Variants in EYA1 observed in about 807,000 individuals in gnomAD.
The protein encoded by EYA1 is EYA transcriptional coactivator and phosphatase 1, also known as protein phosphatase EYA1.
In EYA1, 16 loss-of-function variants were observed where a neutral mutation model predicts 82.0. The ratio of observed to expected loss-of-function variants is 0.20; its 90% CI spans 0.13 to 0.30. EYA1 has a LOEUF of 0.30. EYA1 is among the 10% of genes least tolerant of loss of function. EYA1 has a pLI of 1.00. For synonymous variants in EYA1, 261 were observed against 264.4 expected (o/e 0.99, Z 0.12); for missense variants, 633 against 730.7 (o/e 0.87, Z 1.54).
In EYA1 at chr8:71,418,833, T is replaced by C. The variant is rs555823175; in HGVS notation, c.34-62322A>G. 7.9e-5 allele frequency among the ~76,000 whole-genome samples: 12 copies of C among 152,222 alleles called. No individual in the cohort carries two copies. In the South Asian group the frequency reaches 2.5e-3, roughly 32 times the overall value. On this transcript the variant is annotated intron_variant, in intron 2 of 18. Coordinates refer to the EYA1 transcript ENST00000643681. ...ACAATGGGAGGGAGGGAGGTGCTCT[T>C]CTACACAGAGCACTCAGAGGAGGAC...
chr8:71,542,284 A>G (rs1264366619), intron 1 of EYA1, among the ~76,000 whole-genome samples: 1 of 140,182 alleles, frequency 7.1e-6, no homozygotes, highest in Non-Finnish European at 1.6e-5. Flanking sequence ...TGTTCTTATC[A>G]TTCAGCACCC....
At chr8:71,451,219 C>T (rs1807344687) in intron 2 of EYA1, among the ~76,000 whole-genome samples, 1 of 152,172 alleles carries the variant, frequency 6.6e-6, no homozygotes, top group Admixed American at 6.5e-5. Flanking sequence ...AGTAACCACA[C>T]TTCTGGAATA....
chr8:71,211,698 GA>G (rs907542697), intron 16 of EYA1, among the ~76,000 whole-genome samples: 12 of 152,140 alleles, frequency 7.9e-5, no homozygotes, highest in Non-Finnish European at 1.2e-4. Context: ...GAAAATATCT[GA>G]TCCAAAGACT....
In EYA1 at chr8:71,317,577, C is replaced by T. The variant is rs1385538076; in HGVS notation, c.531G>A (p.Gln177=). Residue 177 remains glutamine (Q), a synonymous_variant, in exon 7 of 18, where the codon CAG becomes CAA. Transcript: ENST00000340726. ...GTSFSTPQPG[Q]APYSYQMQGS... is the part of the protein sequence containing the mutation. Reference sequence around the variant, plus strand: ...CTTGCATCTGGTAGCTGTATGGTGCCTGTCCAGGTTGAGGGGTACTGAAGC... The same window carrying T: ...CTTGCATCTGGTAGCTGTATGGTGCTTGTCCAGGTTGAGGGGTACTGAAGC... The T allele has an allele frequency of 6.2e-7, 1 of 1,614,014 alleles. No individual in the cohort carries two copies. The highest frequency in any genetic ancestry group is 8.5e-7 in the Non-Finnish European group (1 of 1,180,020).
chr8:71,516,979 C>A lies in EYA1; in HGVS notation c.33+18765G>T, dbSNP rs113259214. Among the ~76,000 whole-genome samples, 9 of 152,200 alleles carry A rather than the reference C, an allele frequency of 5.9e-5. 1 individual carries two copies. Among genetic ancestry groups the A allele is most frequent in the African/African-American group, 1.9e-4 (8 of 41,564 alleles). ...CACTGCACAACTTTCAGTGCTTAAT[C>A]AACTTAATTCTACAAAGAAACCTGG... is the stretch of plus-strand genomic sequence containing the variant. On this transcript the variant is annotated intron_variant, in intron 2 of 18. Coordinates refer to the EYA1 transcript ENST00000643681.
At chr8:71,215,271 T>TG in intron 16 of EYA1, 116 bp downstream of exon 16, 2 of 970,506 alleles carry the variant, frequency 2.1e-6, no homozygotes, top group Non-Finnish European at 1.6e-6. Context: ...ATTATTCTTG[T>TG]ATTTTTTTTT....
At chr8:71,257,296 G>A (rs1365704575) in intron 11 of EYA1, among the ~76,000 whole-genome samples, 1 of 152,148 alleles carries the variant, frequency 6.6e-6, no homozygotes, top group Non-Finnish European at 1.5e-5. Flanking sequence ...TAAAGCTGGA[G>A]TGGTTACATT....
At chr8:71,439,826 CTAGCTGTGGGACT>C (rs1299913108) in intron 2 of EYA1, among the ~76,000 whole-genome samples, 3 of 152,182 alleles carry the variant, frequency 2.0e-5, no homozygotes, top group Non-Finnish European at 4.4e-5. Context: ...CTCTACTCAA[CTAGCTGTGGGACT>C]TAGCTCTGAT....
intron 4 of EYA1, among the ~76,000 whole-genome samples, chr8:71,327,489 C>T (rs74509606): frequency 0.014 from 2,129 of 152,284 alleles, 59 homozygotes; most frequent in African/African-American, 0.048. Flanking sequence ...TGCAATCCCT[C>T]TTGTTCTTAA....
chr8:71,335,742 C>T (rs145956981), intron 3 of EYA1, among the ~76,000 whole-genome samples: 116 of 152,188 alleles, frequency 7.6e-4, no homozygotes, highest in African/African-American at 2.6e-3. Context: ...TCATTGCTAG[C>T]ACACAGTTTC....
At chr8:71,229,963 G>A (rs1811002747) in intron 12 of EYA1, among the ~76,000 whole-genome samples, 1 of 152,176 alleles carries the variant, frequency 6.6e-6, no homozygotes, top group African/African-American at 2.4e-5. Context: ...GCCTTACAAA[G>A]GAGTAGCACA....
At position 71,317,606 on chromosome 8, in the gene EYA1, T is replaced by C. The variant is rs2129025187; in HGVS notation, c.502A>G (p.Thr168Ala). Residue 168 changes from threonine (T) to alanine (A), a missense_variant, in exon 7 of 18, where the codon ACA (threonine) becomes GCA (alanine). Physicochemically the swap from Thr to Ala is moderately conservative, Grantham distance 58. Coordinates refer to ENST00000340726, the MANE Select transcript of EYA1 (RefSeq NM_000503.6). ...CCAGGTTGAGGGGTACTGAAGCTTG[T>C]GCCATAGCTGAGAAATCCTGTCTGT... is the stretch of plus-strand genomic sequence containing the variant. ...PGQTGFLSYG[T>A]SFSTPQPGQA... 1 of 1,614,154 alleles carries C rather than the reference T, an allele frequency of 6.2e-7. No individual in the cohort carries two copies. The highest frequency in any genetic ancestry group is 8.5e-7 in the Non-Finnish European group (1 of 1,179,986).
chr8:71,271,995 G>A (rs1382798908), intron 9 of EYA1, 98 bp from the exon 10 acceptor site: 5 of 1,269,492 alleles, frequency 3.9e-6, no homozygotes, highest in Non-Finnish European at 2.3e-6. Context: ...CAATAGTAAA[G>A]CACATTTCAT....
chr8:71,233,543 G>T (rs112238551), intron 12 of EYA1, among the ~76,000 whole-genome samples: 25,155 of 141,416 alleles, frequency 0.18, 2,217 homozygotes, highest in Middle Eastern at 0.38. Context: ...CATCCTGGGC[G>T]ACAGAGTGAG....
intron 2 of EYA1, among the ~76,000 whole-genome samples, chr8:71,370,195 A>G (rs1003239483): frequency 6.6e-6 from 1 of 152,020 alleles, no homozygotes; most frequent in African/African-American, 2.4e-5. Flanking sequence ...ATAGGATGAA[A>G]GTATATTTAA....
intron 2 of EYA1, among the ~76,000 whole-genome samples, chr8:71,413,995 G>A (rs937366978): frequency 2.6e-5 from 4 of 152,174 alleles, no homozygotes; most frequent in African/African-American, 9.7e-5. Context: ...ATGCTGTTGG[G>A]ATTAACACTG....
intron 12 of EYA1, among the ~76,000 whole-genome samples, chr8:71,218,701 AAG>A (rs1397301557): frequency 5.3e-5 from 8 of 152,328 alleles, no homozygotes; most frequent in Admixed American, 2.6e-4. Flanking sequence ...CTTATTTTAG[AAG>A]ATGAATGATG....
intron 2 of EYA1, among the ~76,000 whole-genome samples, chr8:71,521,487 A>G (rs1813399190): frequency 6.6e-6 from 1 of 152,162 alleles, no homozygotes; most frequent in African/African-American, 2.4e-5. Context: ...AAGTTAAACA[A>G]AACACTGTTT....
chr8:71,452,029 G>C (rs1807424843), intron 2 of EYA1, among the ~76,000 whole-genome samples: 1 of 152,218 alleles, frequency 6.6e-6, no homozygotes, highest in Admixed American at 6.5e-5. Flanking sequence ...GCCAAGGGAA[G>C]CTGTGACAGA....
Sources: gnomAD v4.1 joint callset for allele counts (sites outside exome capture counted in the v4.1 genomes callset) on GRCh38, gnomAD v4.1.1 for gene constraint, MANE v1.5 for transcripts, NCBI Gene and HGNC (gene_info 2026-07-23, HGNC 2026-07-21) for gene names.